Variants in GALNT17 observed in about 807,000 individuals in gnomAD.
GALNT17 encodes the protein polypeptide N-acetylgalactosaminyltransferase 17.
A neutral mutation model predicts 63.7 loss-of-function variants in GALNT17; 29 were observed. That is an observed-to-expected ratio of 0.46 (90% CI 0.34 to 0.62). The LOEUF (loss-of-function observed/expected upper bound fraction) is 0.62, where lower values mean the gene tolerates loss of function less well. GALNT17 is among the 20% of genes least tolerant of loss of function. The pLI, the probability that GALNT17 is intolerant of heterozygous loss-of-function variation, is 0.01. For synonymous variants in GALNT17, 305 were observed against 318.3 expected (o/e 0.96, Z 0.45); for missense variants, 603 against 799.6 (o/e 0.75, Z 2.97).
chr7:71,231,797 T>C (rs1789795100), intron 1 of GALNT17, among the ~76,000 whole-genome samples: 1 of 150,426 alleles, frequency 6.6e-6, no homozygotes, highest in Admixed American at 6.6e-5. Context: ...TTCTAGTCTC[T>C]TCTTTCTCTT....
At chr7:71,669,828 TG>T in intron 7 of GALNT17, 143 bp from the exon 8 acceptor site, 1 of 989,554 alleles carries the variant, frequency 1.0e-6, no homozygotes. Context: ...CCTAAAGTGC[TG>T]GGATTACAGG....
At chr7:71,223,765 A>G (rs1214881479) in intron 1 of GALNT17, among the ~76,000 whole-genome samples, 2 of 151,842 alleles carry the variant, frequency 1.3e-5, no homozygotes, top group African/African-American at 4.8e-5. Flanking sequence ...CTTTGTGTTG[A>G]TGTGTTCTCA....
chr7:71,206,207 G>A (rs1789268921), intron 1 of GALNT17, among the ~76,000 whole-genome samples: 1 of 150,906 alleles, frequency 6.6e-6, no homozygotes, highest in Non-Finnish European at 1.5e-5. Flanking sequence ...TGGTTATCTT[G>A]TGCTCATGAA....
At chr7:71,209,688 G>A (rs775113894) in intron 1 of GALNT17, among the ~76,000 whole-genome samples, 7 of 151,852 alleles carry the variant, frequency 4.6e-5, no homozygotes, top group Non-Finnish European at 7.4e-5. Flanking sequence ...TAGAGTCAGC[G>A]TTTTGCCATA....
intron 1 of GALNT17, among the ~76,000 whole-genome samples, chr7:71,293,548 A>G (rs768246783): frequency 9.2e-5 from 14 of 152,034 alleles, no homozygotes; most frequent in Non-Finnish European, 1.6e-4. Context: ...AAATCAGATT[A>G]TTTCTTTTTT....
At chr7:71,318,411 CTT>C (rs747726741) in intron 1 of GALNT17, among the ~76,000 whole-genome samples, 3 of 134,394 alleles carry the variant, frequency 2.2e-5, no homozygotes, top group Non-Finnish European at 4.7e-5. Context: ...CCCTGAAGCT[CTT>C]TTTTTTTTGT....
At chr7:71,368,426 C>G (rs1223043371) in intron 2 of GALNT17, among the ~76,000 whole-genome samples, 1 of 152,044 alleles carries the variant, frequency 6.6e-6, no homozygotes, top group Non-Finnish European at 1.5e-5. Context: ...AGAGTTTTTC[C>G]CGTCTTCCTG....
intron 6 of GALNT17, among the ~76,000 whole-genome samples, chr7:71,613,789 A>G (rs1006000969): frequency 3.4e-5 from 5 of 145,416 alleles, no homozygotes; most frequent in Admixed American, 1.4e-4. Context: ...CCCCATCTCT[A>G]TGATTTTTTT....
intron 10 of GALNT17, among the ~76,000 whole-genome samples, chr7:71,711,504 A>ACT (rs144414237): frequency 3.1e-5 from 4 of 130,932 alleles, no homozygotes; most frequent in Non-Finnish European, 5.0e-5. Context: ...CTCCTATTGC[A>ACT]CTCTCTCTCT....
At chr7:71,576,900 G>T (rs1348131308) in intron 6 of GALNT17, among the ~76,000 whole-genome samples, 1 of 152,176 alleles carries the variant, frequency 6.6e-6, no homozygotes, top group East Asian at 1.9e-4. Flanking sequence ...CTACCAAAAA[G>T]ACATCTGCAT....
At chr7:71,471,907 C>T (rs1583983068) in intron 5 of GALNT17, among the ~76,000 whole-genome samples, 2 of 151,338 alleles carry the variant, frequency 1.3e-5, no homozygotes, top group East Asian at 3.9e-4. Flanking sequence ...TGTCTGCCCT[C>T]AGAAAGCCTA....
At chr7:71,610,187 A>G (rs1319336152) in intron 6 of GALNT17, among the ~76,000 whole-genome samples, 1 of 152,198 alleles carries the variant, frequency 6.6e-6, no homozygotes, top group Non-Finnish European at 1.5e-5. Flanking sequence ...AAGATATCCT[A>G]GCCATTAAAA....
intron 6 of GALNT17, among the ~76,000 whole-genome samples, chr7:71,592,812 A>G (rs1789829684): frequency 6.6e-6 from 1 of 152,110 alleles, no homozygotes; most frequent in East Asian, 1.9e-4. Context: ...CAAGAAAAGT[A>G]CTCATGCCAG....
At chr7:71,621,085 A>C (rs777597615) in intron 6 of GALNT17, among the ~76,000 whole-genome samples, 24 of 152,218 alleles carry the variant, frequency 1.6e-4, no homozygotes, top group Non-Finnish European at 3.1e-4. Flanking sequence ...CATGTATTCA[A>C]ATGCAGATAT....
chr7:71,148,540 G>C (rs2116203924), intron 1 of GALNT17, among the ~76,000 whole-genome samples: 1 of 152,258 alleles, frequency 6.6e-6, no homozygotes, highest in African/African-American at 2.4e-5. Context: ...CATTTGCATT[G>C]TGAATCCGCA....
intron 1 of GALNT17, among the ~76,000 whole-genome samples, chr7:71,138,957 G>A (rs1014096012): frequency 6.6e-6 from 1 of 152,018 alleles, no homozygotes; most frequent in African/African-American, 2.4e-5. Flanking sequence ...TCTGGGCGAC[G>A]GAACAAGATT....
chr7:71,278,364 C>T (rs1037590352), intron 1 of GALNT17, among the ~76,000 whole-genome samples: 1 of 152,160 alleles, frequency 6.6e-6, no homozygotes, highest in East Asian at 1.9e-4. Flanking sequence ...TGTTGGCAGA[C>T]CACGCTCCTT....
intron 1 of GALNT17, among the ~76,000 whole-genome samples, chr7:71,154,047 T>C (rs1788183932): frequency 6.6e-6 from 1 of 152,174 alleles, no homozygotes; most frequent in African/African-American, 2.4e-5. Flanking sequence ...GTGACTTGCT[T>C]CTAGTGATCG....
At chr7:71,213,789 A>G (rs1789425403) in intron 1 of GALNT17, among the ~76,000 whole-genome samples, 1 of 152,074 alleles carries the variant, frequency 6.6e-6, no homozygotes, top group Non-Finnish European at 1.5e-5. Flanking sequence ...ATCTCTTTCC[A>G]ATTATAACTG....
Sources: allele counts gnomAD v4.1 joint callset (sites outside exome capture counted in the v4.1 genomes callset), GRCh38; gene constraint gnomAD v4.1.1; transcripts MANE v1.5; gene names NCBI Gene and HGNC (gene_info 2026-07-23, HGNC 2026-07-21).